MT1X: variants seen among roughly 807,000 people sequenced by gnomAD.
The protein encoded by MT1X is metallothionein 1X, also known as metallothionein-1X.
MT1X carries 7 observed loss-of-function variants against 8.6 expected under a neutral mutation model. That is an observed-to-expected ratio of 0.81 (90% CI 0.46 to 1.52). The LOEUF (loss-of-function observed/expected upper bound fraction) is 1.52. MT1X is among the 40% of genes most tolerant of loss of function. MT1X has a pLI of 0.01. For missense variants in MT1X, 72 were observed against 74.3 expected, an observed-to-expected ratio of 0.97 and a Z score of 0.11; for synonymous variants, 25 against 27.6, an observed-to-expected ratio of 0.91 and a Z score of 0.30.
chr16:56,684,046 C>G lies in MT1X; in HGVS notation c.183C>G (p.Ala61=). The change falls in exon 3 of 3, where the codon GCC becomes GCG. Residue 61 remains alanine, a synonymous_variant. Transcript: ENST00000394485. ...KGTSDKCSCC[A] is the part of the protein sequence containing the mutation. Reference sequence around the variant, plus strand: ...CGTCAGACAAGTGCAGCTGCTGTGCCTGATGCCAGGACAGCTGTGCTCTCA... The same window carrying G: ...CGTCAGACAAGTGCAGCTGCTGTGCGTGATGCCAGGACAGCTGTGCTCTCA... 1 of 1,613,984 alleles carries G rather than the reference C, an allele frequency of 6.2e-7. No homozygotes were observed. Among genetic ancestry groups the G allele is most frequent in the Non-Finnish European group, 8.5e-7 (1 of 1,179,952 alleles).
Position 56,683,946 on chromosome 16 carries a change from C to A in MT1X, c.95-12C>A, listed in dbSNP as rs781106219. ...GTCTGCTCTGACCTCTCACTCTCCC[C>A]TTCTTCTCCAGGCTGCTGCTCCTGC... On this transcript the variant is annotated splice_polypyrimidine_tract_variant and intron_variant, in intron 2 of 2. Coordinates refer to ENST00000394485, the MANE Select transcript of MT1X (RefSeq NM_005952.4). 2 of 1,613,494 alleles carry A rather than the reference C, an allele frequency of 1.2e-6. No homozygotes were observed. Among genetic ancestry groups the A allele is most frequent in the South Asian group, 1.1e-5 (1 of 91,044 alleles).
chr16:56,682,963 G>A (rs568515834), intron 1 of MT1X: 1 of 652,600 alleles, frequency 1.5e-6, no homozygotes, highest in South Asian at 1.9e-5. Context: ...GACCTTGCTT[G>A]TGGGGTAAAA....
rs938567033 is a variant in MT1X at position 56,683,820 on chromosome 16, T to C, written c.95-138T>C. 2.4e-4 allele frequency: 303 copies of C among 1,276,768 alleles called. 6 individuals are homozygous for C. The highest frequency in any genetic ancestry group is 5.7e-5 in the Non-Finnish European group (52 of 906,756). 79.1% of individuals were successfully genotyped at this position (1,276,768 alleles called of 1,614,324 possible). A position where few individuals can be genotyped will look rare whatever the true frequency, so the allele number is the denominator to read the frequency against. The stretch of plus-strand genomic sequence containing the variant: ...ACCCTCATCCCAAAGATCTACCAGT[T>C]CTCTTCTGACAAAGCCATGCCATCC... On this transcript the variant is annotated intron_variant, in intron 2 of 2. Transcript: ENST00000394485.
Position 56,684,060 on chromosome 16 carries a change from G to C in MT1X, c.*11G>C. On this transcript the variant is annotated 3_prime_UTR_variant, in exon 3 of 3. Transcript: ENST00000394485. ...AGCTGCTGTGCCTGATGCCAGGACA[G>C]CTGTGCTCTCAGATGTAAATAGAGC... is the stretch of plus-strand genomic sequence containing the variant. 1 of 1,612,136 alleles carries C rather than the reference G, an allele frequency of 6.2e-7. No homozygotes were observed. Among genetic ancestry groups the C allele is most frequent in the Non-Finnish European group, 8.5e-7 (1 of 1,179,338 alleles).
At chr16:56,682,730 C>A in intron 1 of MT1X, 162 bp downstream of exon 1, 1 of 827,928 alleles carries the variant, frequency 1.2e-6, no homozygotes, top group Non-Finnish European at 1.9e-6. Flanking sequence ...CCACTTCTCG[C>A]CTCCCTGTGC....
chr16:56,683,399 C>A, intron 2 of MT1X, 169 bp downstream of exon 2: 2 of 688,180 alleles, frequency 2.9e-6, no homozygotes, highest in Non-Finnish European at 2.4e-6. Flanking sequence ...GAGTCCCAGC[C>A]TCTTATTACC....
rs1961030678 is a variant in MT1X at position 56,683,824 on chromosome 16, T to C, written c.95-134T>C. ...TCATCCCAAAGATCTACCAGTTCTC[T>C]TCTGACAAAGCCATGCCATCCTGAA... On this transcript the variant is annotated intron_variant, in intron 2 of 2. Transcript: ENST00000394485. The C allele has an allele frequency of 3.0e-6, 4 of 1,324,364 alleles. No homozygotes were observed. The Admixed American group carries it at 6.4e-5, about 21-fold the overall frequency. The allele number at this position is 1,324,364 out of a possible 1,614,324, so 82.0% of individuals were successfully genotyped here.
chr16:56,683,715 C>T, intron 2 of MT1X: 1 of 547,118 alleles, frequency 1.8e-6, no homozygotes, highest in Non-Finnish European at 3.2e-6. Flanking sequence ...TCCTTTTGTT[C>T]CTGTACCCCC....
chr16:56,683,877 G>A lies in MT1X; in HGVS notation c.95-81G>A, dbSNP rs1337238475. On this transcript the variant is annotated intron_variant, in intron 2 of 2. Coordinates refer to ENST00000394485, the MANE Select transcript of MT1X (RefSeq NM_005952.4). ...GATGGTCCTCTGGGGCTGGAGGCAGGGCTCGAGCCAGGCCTCTGTTGGGGC... is the reference window on the plus strand; with the variant it reads ...GATGGTCCTCTGGGGCTGGAGGCAGAGCTCGAGCCAGGCCTCTGTTGGGGC... 1.9e-6 allele frequency: 3 copies of A among 1,588,338 alleles called. No homozygotes were observed. The African/African-American group carries it at 4.1e-5, about 22-fold the overall frequency.
chr16:56,683,056 T>C (rs890812102), intron 1 of MT1X, 109 bp from the exon 2 acceptor site: 14 of 1,328,222 alleles, frequency 1.1e-5, no homozygotes, highest in Non-Finnish European at 1.5e-5. Flanking sequence ...AAAGGAGCTC[T>C]GGGGGCTGGT....
intron 1 of MT1X, 144 bp from the exon 2 acceptor site, chr16:56,683,021 C>A: frequency 1.1e-6 from 1 of 950,616 alleles, no homozygotes; most frequent in South Asian, 1.6e-5. Context: ...GGAGATGGGG[C>A]TTCTCTTCCT....
intron 2 of MT1X, chr16:56,683,709 T>C (rs1302067072): frequency 1.9e-6 from 1 of 528,270 alleles, no homozygotes; most frequent in Non-Finnish European, 3.3e-6. Flanking sequence ...CTGGCCTCCT[T>C]TTGTTCCTGT....
Position 56,683,174 on chromosome 16 carries a change from G to A in MT1X, c.38G>A (p.Cys13Tyr), listed in dbSNP as rs1264941505. 3 of 1,614,008 alleles carry A rather than the reference G, an allele frequency of 1.9e-6. No individual in the cohort carries two copies. Among genetic ancestry groups the A allele is most frequent in the Non-Finnish European group, 1.7e-6 (2 of 1,179,922 alleles). Residue 13 changes from cysteine (C) to tyrosine (Y), a missense_variant, in exon 2 of 3, where the codon TGT (cysteine) becomes TAT (tyrosine). Transcript: ENST00000394485. ...PNCSCSPVGS[C>Y]ACAGSCKCKE... Reference sequence around the variant, plus strand: ...TTTCTCTTCCTTGCAGTTGGCTCCTGTGCCTGTGCCGGCTCCTGCAAATGC... The same window carrying A: ...TTTCTCTTCCTTGCAGTTGGCTCCTATGCCTGTGCCGGCTCCTGCAAATGC...
intron 2 of MT1X, chr16:56,683,539 G>A (rs535655167): frequency 2.4e-6 from 1 of 408,298 alleles, no homozygotes; most frequent in East Asian, 5.2e-5. Context: ...TTAAGGCCCA[G>A]GATCTGGAAG....
intron 2 of MT1X, 99 bp downstream of exon 2, chr16:56,683,329 C>T: frequency 1.4e-6 from 2 of 1,383,152 alleles, no homozygotes; most frequent in Non-Finnish European, 2.0e-6. Flanking sequence ...ACCAGCTTCC[C>T]CAAACCCCTC....
chr16:56,682,691 G>A, intron 1 of MT1X, 123 bp downstream of exon 1: 1 of 1,242,238 alleles, frequency 8.0e-7, no homozygotes, highest in Non-Finnish European at 1.2e-6. Flanking sequence ...ATTTCGTTAG[G>A]TGCTTTCTTC....
intron 2 of MT1X, 166 bp from the exon 3 acceptor site, chr16:56,683,791 TA>T (rs1204378394): frequency 1.1e-5 from 12 of 1,049,876 alleles, no homozygotes; most frequent in Non-Finnish European, 1.5e-5. Context: ...CTTTTTCATA[TA>T]AAACCCTCAT....
chr16:56,684,103 ATTTTT>A lies in MT1X; in HGVS notation c.*70_*74del, dbSNP rs34700091. On this transcript the variant is annotated 3_prime_UTR_variant, in exon 3 of 3. Transcript: ENST00000394485. Reference sequence around the variant, plus strand: ...AATAGAGCAACCTATATAAACCTGGATTTTTTTTTTTTTTTTTTTTGTACAACCCT... The same window carrying A: ...AATAGAGCAACCTATATAAACCTGGATTTTTTTTTTTTTTTGTACAACCCT... The A allele has an allele frequency of 3.1e-4, 392 of 1,274,216 alleles. No homozygotes were observed. Among genetic ancestry groups the A allele is most frequent in the South Asian group, 4.8e-4 (31 of 64,898 alleles). 78.9% of individuals were successfully genotyped at this position (1,274,216 alleles called of 1,614,324 possible).
Position 56,683,184 on chromosome 16 carries a change from C to G in MT1X, c.48C>G (p.Ala16=), listed in dbSNP as rs146637306. 1 of 1,613,868 alleles carries G rather than the reference C, an allele frequency of 6.2e-7. No individual in the cohort carries two copies. Among genetic ancestry groups the G allele is most frequent in the Non-Finnish European group, 8.5e-7 (1 of 1,179,934 alleles). The change falls in exon 2 of 3, where the codon GCC becomes GCG. Residue 16 remains alanine (A), a synonymous_variant. Transcript: ENST00000394485. ...TTGCAGTTGGCTCCTGTGCCTGTGC[C>G]GGCTCCTGCAAATGCAAAGAGTGCA... The part of the protein sequence containing the change: ...SCSPVGSCAC[A]GSCKCKECKC...
Sources: allele counts gnomAD v4.1 joint callset, GRCh38; gene constraint gnomAD v4.1.1; transcripts MANE v1.5; gene names NCBI Gene and HGNC (gene_info 2026-07-23, HGNC 2026-07-21).